SMG6: variants seen among roughly 807,000 people sequenced by gnomAD.
The protein encoded by SMG6 is telomerase-binding protein EST1A.
Under a neutral mutation model 142.2 loss-of-function variants are expected in SMG6, and 66 were observed. That is an observed-to-expected ratio of 0.46 (90% confidence interval 0.38 to 0.57). The LOEUF is 0.57. Ranked by LOEUF, SMG6 falls within the 20% of genes least tolerant of loss-of-function variation. SMG6 has a pLI of 0.00. For missense variants in SMG6, 1,793 were observed against 1,832.0 expected (o/e 0.98, Z 0.39); for synonymous variants, 779 against 702.4 (o/e 1.11, Z -1.72).
chr17:2,126,087 C>T (rs751078828), intron 13 of SMG6, among the ~76,000 whole-genome samples: 3 of 151,688 alleles, frequency 2.0e-5, no homozygotes, highest in Non-Finnish European at 4.4e-5. Context: ...CTAATCAAAA[C>T]GGTGTGGTAC....
At chr17:2,094,548 T>A (rs1299552944) in intron 13 of SMG6, among the ~76,000 whole-genome samples, 1 of 152,142 alleles carries the variant, frequency 6.6e-6, no homozygotes, top group African/African-American at 2.4e-5. Flanking sequence ...CAACAGTATC[T>A]TATTTTATTC....
chr17:2,130,155 G>T (rs1351873858), intron 13 of SMG6, among the ~76,000 whole-genome samples: 1 of 150,692 alleles, frequency 6.6e-6, no homozygotes, highest in African/African-American at 2.4e-5. Flanking sequence ...AGCTACTCGG[G>T]AGGCTGAGGC....
Position 2,285,864 on chromosome 17 carries a change from G to A in SMG6, c.2338-2129C>T, listed in dbSNP as rs531100685. ...AATTTTTATATTTTTAGTAGAGATG[G>A]GGTTTCACCAAGTTAGCCAGGCTGG... On this transcript the variant is annotated intron_variant, in intron 6 of 18. Coordinates refer to ENST00000263073, the MANE Select transcript of SMG6 (RefSeq NM_017575.5). Among the ~76,000 whole-genome samples, 4 of 152,040 alleles carry A rather than the reference G, an allele frequency of 2.6e-5. No homozygotes were observed. The South Asian group carries it at 8.3e-4, about 32-fold the overall frequency.
At chr17:2,176,354 A>C (rs2071652654) in intron 12 of SMG6, among the ~76,000 whole-genome samples, 3 of 152,218 alleles carry the variant, frequency 2.0e-5, no homozygotes. Flanking sequence ...TCGGGTGGCG[A>C]TGAGGATCTG....
chr17:2,299,458 G>A lies in SMG6; in HGVS notation c.1295C>T (p.Pro432Leu). The A allele has an allele frequency of 6.2e-7, 1 of 1,614,154 alleles. No individual in the cohort carries two copies. The highest frequency in any genetic ancestry group is 1.3e-5 in the African/African-American group (1 of 75,030). ...ACTACCAGATCCAAACAAAAGCCGA[G>A]GTCCCAAAGGCGCGGACTCTGGAGA... ...AGSPESAPLG[P>L]RLLFGSGSKG... is the part of the protein sequence containing the mutation. Residue 432 changes from proline (P) to leucine (L), a missense_variant, in exon 2 of 19, where the codon CCT (proline) becomes CTT (leucine). Pro to Leu is a moderately conservative substitution (Grantham distance 98). Coordinates refer to ENST00000263073, the MANE Select transcript of SMG6 (RefSeq NM_017575.5). The surrounding 1 kb of genome is among the most constrained non-coding windows in gnomAD (Gnocchi z 4.3).
chr17:2,149,609 C>G (rs533702381), intron 13 of SMG6, among the ~76,000 whole-genome samples: 3 of 152,134 alleles, frequency 2.0e-5, no homozygotes, highest in Non-Finnish European at 4.4e-5. Context: ...AAAAAGCAAT[C>G]TAGGCAGGGC....
chr17:2,243,239 T>A (rs990007767), intron 9 of SMG6, among the ~76,000 whole-genome samples: 2 of 152,192 alleles, frequency 1.3e-5, no homozygotes, highest in African/African-American at 4.8e-5. Flanking sequence ...CTTACCCAGG[T>A]TGATACCAAA....
chr17:2,284,899 A>G (rs2074870098), intron 6 of SMG6, among the ~76,000 whole-genome samples: 1 of 152,124 alleles, frequency 6.6e-6, no homozygotes, highest in South Asian at 2.1e-4. Context: ...ATTCCAATCC[A>G]TACTAATTTC....
chr17:2,103,488 G>A (rs2069068667), intron 13 of SMG6, among the ~76,000 whole-genome samples: 1 of 152,220 alleles, frequency 6.6e-6, no homozygotes, highest in African/African-American at 2.4e-5. Flanking sequence ...CAGCGGACCA[G>A]TTTATAAAGC....
intron 10 of SMG6, among the ~76,000 whole-genome samples, chr17:2,198,085 T>C (rs1313892442): frequency 6.6e-6 from 1 of 152,178 alleles, no homozygotes; most frequent in Non-Finnish European, 1.5e-5. Context: ...AACCCAAATG[T>C]CTTTCCACAG....
chr17:2,289,903 G>A (rs562379649), intron 6 of SMG6, among the ~76,000 whole-genome samples: 4 of 149,176 alleles, frequency 2.7e-5, no homozygotes, highest in Admixed American at 6.7e-5. Context: ...GCAACAAAGC[G>A]AGGCTCCATC....
At chr17:2,216,875 G>T (rs1451786670) in intron 10 of SMG6, among the ~76,000 whole-genome samples, 1 of 152,098 alleles carries the variant, frequency 6.6e-6, no homozygotes, top group Non-Finnish European at 1.5e-5. Context: ...CTGGAATGCA[G>T]GAAGAGTTAG....
chr17:2,185,496 TA>T (rs1255027674), intron 12 of SMG6, among the ~76,000 whole-genome samples: 1 of 150,920 alleles, frequency 6.6e-6, no homozygotes, highest in Non-Finnish European at 1.5e-5. Flanking sequence ...TCTCCACAAT[TA>T]AAAAAAAGAA....
At chr17:2,221,659 G>A (rs1301523792) in intron 10 of SMG6, among the ~76,000 whole-genome samples, 1 of 152,226 alleles carries the variant, frequency 6.6e-6, no homozygotes, top group Non-Finnish European at 1.5e-5. Flanking sequence ...AACAAGGAAA[G>A]ACAGTAAGAT....
At chr17:2,133,915 G>A (rs1180966483) in intron 13 of SMG6, among the ~76,000 whole-genome samples, 1 of 152,146 alleles carries the variant, frequency 6.6e-6, no homozygotes, top group Admixed American at 6.5e-5. Flanking sequence ...GGACCACATT[G>A]TAGGATGTTG....
At chr17:2,069,772 G>A (rs986880904) in intron 15 of SMG6, among the ~76,000 whole-genome samples, 4 of 152,188 alleles carry the variant, frequency 2.6e-5, no homozygotes, top group African/African-American at 7.2e-5. Context: ...CACCCAGGTC[G>A]ATCACAATGG....
At chr17:2,268,672 G>A (rs574285628) in intron 8 of SMG6, among the ~76,000 whole-genome samples, 1 of 152,360 alleles carries the variant, frequency 6.6e-6, no homozygotes, top group East Asian at 1.9e-4. Flanking sequence ...AGCACTTCGG[G>A]AGGCCGAGGT....
At chr17:2,133,983 C>A (rs936893818) in intron 13 of SMG6, among the ~76,000 whole-genome samples, 2 of 151,982 alleles carry the variant, frequency 1.3e-5, no homozygotes, top group Non-Finnish European at 2.9e-5. Flanking sequence ...TGGTAGAGCC[C>A]GAACACTAGC....
intron 8 of SMG6, among the ~76,000 whole-genome samples, chr17:2,248,493 C>G (rs1246920537): frequency 1.3e-5 from 2 of 152,178 alleles, no homozygotes; most frequent in African/African-American, 2.4e-5. Flanking sequence ...AAACATCCTT[C>G]CCTTAGGGTA....
Sources: gnomAD v4.1 joint callset for allele counts (sites outside exome capture counted in the v4.1 genomes callset) on GRCh38, gnomAD v4.1.1 for gene constraint, Gnocchi (gnomAD v3.1) non-coding constraint, MANE v1.5 for transcripts, NCBI Gene and HGNC (gene_info 2026-07-23, HGNC 2026-07-21) for gene names.